Variants in DACH1 observed in about 807,000 individuals in gnomAD.
The protein encoded by DACH1 is dachshund family transcription factor 1, also known as dachshund homolog 1.
Under a neutral mutation model 54.2 loss-of-function variants are expected in DACH1, and 12 were observed. The ratio of observed to expected loss-of-function variants is 0.22; its 90% CI spans 0.14 to 0.36. DACH1 has a LOEUF of 0.36. Ranked by LOEUF, DACH1 falls within the 10% of genes least tolerant of loss-of-function variation. The pLI, the probability that DACH1 is intolerant of heterozygous loss-of-function variation, is 1.00. For missense variants in DACH1, 805 were observed against 929.8 expected, an observed-to-expected ratio of 0.87 and a Z score of 1.75; for synonymous variants, 386 against 366.2, an observed-to-expected ratio of 1.05 and a Z score of -0.62.
At chr13:71,529,990 A>G (rs900884596) in intron 6 of DACH1, among the ~76,000 whole-genome samples, 2 of 152,216 alleles carry the variant, frequency 1.3e-5, no homozygotes, top group Admixed American at 6.5e-5. Context: ...TTAAAAAATG[A>G]TATTTGCATT....
chr13:71,755,590 T>C (rs1471441050), intron 1 of DACH1, among the ~76,000 whole-genome samples: 1 of 152,198 alleles, frequency 6.6e-6, no homozygotes, highest in Non-Finnish European at 1.5e-5. Flanking sequence ...GGCTACTAAG[T>C]AGCAGAACCT....
chr13:71,740,203 G>A (rs1884322630), intron 1 of DACH1, among the ~76,000 whole-genome samples: 1 of 151,924 alleles, frequency 6.6e-6, no homozygotes, highest in Non-Finnish European at 1.5e-5. Context: ...CAGCTAAATC[G>A]CACATCTGGC....
chr13:71,821,991 G>T (rs1003063603), intron 1 of DACH1, among the ~76,000 whole-genome samples: 1 of 151,978 alleles, frequency 6.6e-6, no homozygotes, highest in Non-Finnish European at 1.5e-5. Flanking sequence ...AACCCGAAAG[G>T]CAGAGGTTGC....
intron 1 of DACH1, among the ~76,000 whole-genome samples, chr13:71,798,327 T>TACATAC (rs1566507090): frequency 6.7e-5 from 2 of 29,666 alleles, no homozygotes; most frequent in African/African-American, 2.7e-4. Flanking sequence ...TACATACATA[T>TACATAC]ATATATATAT....
chr13:71,737,611 T>C (rs1330445437), intron 1 of DACH1, among the ~76,000 whole-genome samples: 1 of 152,202 alleles, frequency 6.6e-6, no homozygotes, highest in Non-Finnish European at 1.5e-5. Context: ...CAGTAACTAC[T>C]GAAGGTTTTT....
rs1593709468 is a variant in DACH1 at position 71,448,988 on chromosome 13, A to G, written c.2084-8296T>C. On this transcript the variant is annotated intron_variant, in intron 10 of 10. Coordinates refer to ENST00000613252, the MANE Select transcript of DACH1 (RefSeq NM_080759.6). ...ACAATAAGCAAAGACTGTGTGCAGG[A>G]AAGTACAACAACTAGGGTACTTTGT... Among the ~76,000 whole-genome samples the G allele has an allele frequency of 2.6e-5, 4 of 152,314 alleles. No homozygotes were observed. In the South Asian group the frequency reaches 8.3e-4, roughly 32 times the overall value.
At position 71,866,401 on chromosome 13, in the gene DACH1, G is replaced by A. The variant is rs1874780317; in HGVS notation, c.369C>T (p.Ser123=). 2 of 1,452,524 alleles carry A rather than the reference G, an allele frequency of 1.4e-6. No homozygotes were observed. The highest frequency in any genetic ancestry group is 2.8e-5 in the East Asian group (1 of 35,336). 90.0% of individuals were successfully genotyped at this position (1,452,524 alleles called of 1,614,324 possible). A position where few individuals can be genotyped will look rare whatever the true frequency, so the allele number is the denominator to read the frequency against. ...NGSGGGGGGI[S]AGGGVASSTP... is the part of the protein sequence containing the mutation. ...TGCTGGAAGCGACGCCGCCGCCAGC[G>A]CTGATGCCGCCGCCGCCGCCGCCGC... Residue 123 remains serine (S), a synonymous_variant, in exon 1 of 11, where the codon AGC becomes AGT. Transcript: ENST00000613252.
chr13:71,651,651 T>A (rs1382241971), intron 2 of DACH1, among the ~76,000 whole-genome samples: 1 of 143,780 alleles, frequency 7.0e-6, no homozygotes, highest in Non-Finnish European at 1.5e-5. Context: ...TAAGAATGCA[T>A]GTATATGTAT....
At chr13:71,783,592 G>A (rs918904069) in intron 1 of DACH1, among the ~76,000 whole-genome samples, 2 of 152,036 alleles carry the variant, frequency 1.3e-5, no homozygotes, top group Admixed American at 6.6e-5. Context: ...GATAACCAAC[G>A]ATACCTGCCC....
chr13:71,793,911 G>A (rs934123919), intron 1 of DACH1, among the ~76,000 whole-genome samples: 9 of 152,308 alleles, frequency 5.9e-5, no homozygotes, highest in Non-Finnish European at 1.2e-4. Flanking sequence ...GAGTAGGAGG[G>A]CGAGCTGGAG....
rs370706409 is a variant in DACH1, at chr13:71,489,138, C to T, written c.1581G>A (p.Pro527=). Residue 527 remains proline, a synonymous_variant, in exon 7 of 11, where the codon CCG becomes CCA. Transcript: ENST00000613252. ...KRMHIEKDET[P]LSTPTARDSL... ...TGTCTCTTGCGGTTGGTGTAGAAAG[C>T]GGGGTCTCATCTGCATGTGATTGAA... is the stretch of plus-strand genomic sequence containing the variant. 7.4e-6 allele frequency: 12 copies of T among 1,612,686 alleles called. No homozygotes were observed. Among genetic ancestry groups the T allele is most frequent in the East Asian group, 2.2e-5 (1 of 44,820 alleles).
At chr13:71,823,259 A>T (rs1228418386) in intron 1 of DACH1, among the ~76,000 whole-genome samples, 1 of 152,128 alleles carries the variant, frequency 6.6e-6, no homozygotes, top group Non-Finnish European at 1.5e-5. Flanking sequence ...AATATCCAGC[A>T]ATCAGAGTTA....
intron 1 of DACH1, among the ~76,000 whole-genome samples, chr13:71,729,815 G>A (rs1883653262): frequency 1.3e-5 from 2 of 151,980 alleles, no homozygotes; most frequent in South Asian, 4.2e-4. Context: ...TGTTTACAAG[G>A]CCATAAAGCA....
At position 71,573,375 on chromosome 13, in the gene DACH1, TA is replaced by T. The variant is rs576259208; in HGVS notation, c.1127-364del. 3.0e-4 allele frequency: 211 copies of T among 710,128 alleles called. 2 individuals carry two copies. The East Asian group carries it at 4.8e-3, about 16-fold the overall frequency. 44.0% of individuals were successfully genotyped at this position (710,128 alleles called of 1,614,324 possible). ...ATTTTGCCAACTGATAAATACAATT[TA>T]AAAAAAACTATGATTTTTAATACTA... On this transcript the variant is annotated intron_variant, in intron 3 of 10. Transcript: ENST00000613252.
chr13:71,863,076 G>A (rs1277400480), intron 1 of DACH1, among the ~76,000 whole-genome samples: 2 of 151,998 alleles, frequency 1.3e-5, no homozygotes, highest in African/African-American at 2.4e-5. Flanking sequence ...AATAAAAAAG[G>A]TTCTTCACAG....
At chr13:71,741,048 A>G (rs2137947235) in intron 1 of DACH1, among the ~76,000 whole-genome samples, 1 of 152,276 alleles carries the variant, frequency 6.6e-6, no homozygotes, top group South Asian at 2.1e-4. Context: ...ACAGTAAATT[A>G]TTAGTTTTCT....
At chr13:71,501,396 T>A (rs1454939152) in intron 6 of DACH1, among the ~76,000 whole-genome samples, 1 of 152,194 alleles carries the variant, frequency 6.6e-6, no homozygotes. Context: ...ATAAAGATTA[T>A]GTGTTTGTGA....
chr13:71,619,363 CCAATATGA>C (rs1566383014), intron 3 of DACH1, among the ~76,000 whole-genome samples: 1 of 151,810 alleles, frequency 6.6e-6, no homozygotes, highest in Non-Finnish European at 1.5e-5. Flanking sequence ...ATTTATAAAT[CCAATATGA>C]CAGAGATTAG....
At position 71,498,386 on chromosome 13, in the gene DACH1, T is replaced by C. The variant is rs367694041; in HGVS notation, c.1571-9238A>G. 2.0e-5 allele frequency among the ~76,000 whole-genome samples: 3 copies of C among 152,254 alleles called. No individual in the cohort carries two copies. In the East Asian group the frequency reaches 5.8e-4, roughly 29 times the overall value. ...ATACAGACTGCAAAAATGAGAAGGATATAGTCTTTGCCTGTCCCAGGGTTA... is the reference window on the plus strand; with the variant it reads ...ATACAGACTGCAAAAATGAGAAGGACATAGTCTTTGCCTGTCCCAGGGTTA... On this transcript the variant is annotated intron_variant, in intron 6 of 10. Transcript: ENST00000613252.
Sources: allele counts gnomAD v4.1 joint callset (sites outside exome capture counted in the v4.1 genomes callset), GRCh38; gene constraint gnomAD v4.1.1; transcripts MANE v1.5; gene names NCBI Gene and HGNC (gene_info 2026-07-23, HGNC 2026-07-21).